Variants in ZSWIM5 observed in about 807,000 individuals in gnomAD.
ZSWIM5 encodes zinc finger SWIM-type containing 5.
In ZSWIM5, 55 loss-of-function variants were observed where a neutral mutation model predicts 119.6. The observed-to-expected ratio is 0.46, with a 90% CI of 0.37 to 0.58. The LOEUF is 0.58. ZSWIM5 is among the 20% of genes least tolerant of loss of function. The pLI is 0.00. For missense variants in ZSWIM5, 1,193 were observed against 1,512.8 expected, an observed-to-expected ratio of 0.79 and a Z score of 3.51; for synonymous variants, 537 against 606.9, an observed-to-expected ratio of 0.88 and a Z score of 1.69.
At chr1:45,082,956 A>G (rs1486127307) in intron 2 of ZSWIM5, among the ~76,000 whole-genome samples, 2 of 152,172 alleles carry the variant, frequency 1.3e-5, no homozygotes, top group African/African-American at 2.4e-5. Flanking sequence ...GGGGGAAAAG[A>G]TAGTGGGAAT....
At chr1:45,161,158 G>A (rs1645861969) in intron 1 of ZSWIM5, among the ~76,000 whole-genome samples, 1 of 151,896 alleles carries the variant, frequency 6.6e-6, no homozygotes, top group Non-Finnish European at 1.5e-5. Flanking sequence ...TTTGTCTGTA[G>A]GTGGACACTT....
intron 11 of ZSWIM5, among the ~76,000 whole-genome samples, chr1:45,029,087 A>T (rs963795254): frequency 6.6e-6 from 1 of 152,138 alleles, no homozygotes; most frequent in Non-Finnish European, 1.5e-5. Context: ...CTACAAAGAC[A>T]CTCTCCTACA....
intron 1 of ZSWIM5, among the ~76,000 whole-genome samples, chr1:45,106,792 A>C (rs1337066289): frequency 6.6e-6 from 1 of 152,154 alleles, no homozygotes. Flanking sequence ...ATGTGGGGAA[A>C]AGAAAGAGAG....
At chr1:45,068,436 C>T (rs1325841287) in intron 2 of ZSWIM5, among the ~76,000 whole-genome samples, 1 of 150,804 alleles carries the variant, frequency 6.6e-6, no homozygotes, top group Admixed American at 6.6e-5. Flanking sequence ...TTTTAATGTA[C>T]GGTGAGCTGA....
At chr1:45,092,547 C>CG (rs796453944) in intron 1 of ZSWIM5, among the ~76,000 whole-genome samples, 2 of 110,950 alleles carry the variant, frequency 1.8e-5, no homozygotes, top group African/African-American at 3.4e-5. Context: ...CACCCCCCCC[C>CG]CCCCGCCAGC....
At chr1:45,024,059 T>C (rs376788574) in intron 11 of ZSWIM5, among the ~76,000 whole-genome samples, 2 of 152,328 alleles carry the variant, frequency 1.3e-5, no homozygotes, top group East Asian at 3.9e-4. Flanking sequence ...ATTGGGTTGT[T>C]TTCTTATTGT....
chr1:45,205,622 T>C (rs890607286), intron 1 of ZSWIM5, 134 bp downstream of exon 1: 48 of 975,258 alleles, frequency 4.9e-5, no homozygotes, highest in Middle Eastern at 5.1e-4. Flanking sequence ...AAAGTTTTTG[T>C]GACTTGTTCG....
chr1:45,137,139 G>A (rs547903240), intron 1 of ZSWIM5, among the ~76,000 whole-genome samples: 1 of 152,134 alleles, frequency 6.6e-6, no homozygotes, highest in African/African-American at 2.4e-5. Flanking sequence ...GAGGGCAAAG[G>A]TGCAATCATA....
chr1:45,087,611 C>CAATAT (rs1420119037), intron 2 of ZSWIM5, among the ~76,000 whole-genome samples: 2 of 152,276 alleles, frequency 1.3e-5, no homozygotes, highest in East Asian at 3.9e-4. Flanking sequence ...CGACAAAGTC[C>CAATAT]ATAAACTAGA....
intron 1 of ZSWIM5, among the ~76,000 whole-genome samples, chr1:45,153,779 T>C (rs1236255232): frequency 6.8e-6 from 1 of 147,780 alleles, no homozygotes; most frequent in Non-Finnish European, 1.5e-5. Flanking sequence ...AAAAGGTATC[T>C]AAATTGGTAA....
Position 45,038,996 on chromosome 1 carries a change from G to A in ZSWIM5, c.1834C>T (p.Leu612=), listed in dbSNP as rs1645002607. ...CAGGCCTCAGTCAAAGTGAGAAACAGGCAGTCGATGGGATCCAGGGGGTGG... is the reference window on the plus strand; with the variant it reads ...CAGGCCTCAGTCAAAGTGAGAAACAAGCAGTCGATGGGATCCAGGGGGTGG... ...VGHPLDPIDC[L]FLTLTEACRL... Residue 612 remains leucine, a synonymous_variant, in exon 8 of 14, where the codon CTG becomes TTG. Transcript: ENST00000359600. 9 of 1,614,056 alleles carry A rather than the reference G, an allele frequency of 5.6e-6. No individual in the cohort carries two copies. The highest frequency in any genetic ancestry group is 7.6e-6 in the Non-Finnish European group (9 of 1,180,056).
At chr1:45,087,845 A>T (rs1645340274) in intron 2 of ZSWIM5, 36 bp downstream of exon 2, 2 of 1,502,438 alleles carry the variant, frequency 1.3e-6, no homozygotes, top group African/African-American at 2.8e-5. Context: ...GTGATGAAAA[A>T]GACCTTTTTT....
rs1023294265 is a variant in ZSWIM5 at position 45,021,237 on chromosome 1, G to A, written c.2450-449C>T. ...TTTTTAGTAGAGATGGGGTTTCACC[G>A]TGTTAGCCAGGATGGTCTCGATCTC... On this transcript the variant is annotated intron_variant, in intron 11 of 13. Coordinates refer to ENST00000359600, the MANE Select transcript of ZSWIM5 (RefSeq NM_020883.2). Among the ~76,000 whole-genome samples, 6 of 152,110 alleles carry A rather than the reference G, an allele frequency of 3.9e-5. No homozygotes were observed. The East Asian group carries it at 7.7e-4, about 20-fold the overall frequency.
intron 1 of ZSWIM5, among the ~76,000 whole-genome samples, chr1:45,196,533 G>A (rs1357754024): frequency 6.6e-6 from 1 of 151,654 alleles, no homozygotes; most frequent in Non-Finnish European, 1.5e-5. Flanking sequence ...TGGGACTACA[G>A]GTGCCTGCCA....
intron 5 of ZSWIM5, among the ~76,000 whole-genome samples, chr1:45,047,233 G>C (rs1645061784): frequency 6.6e-6 from 1 of 152,112 alleles, no homozygotes; most frequent in East Asian, 1.9e-4. Context: ...GATAGGTCAA[G>C]TATCAGTTGA....
intron 1 of ZSWIM5, among the ~76,000 whole-genome samples, chr1:45,184,763 T>A (rs1323235271): frequency 6.6e-6 from 1 of 151,980 alleles, no homozygotes; most frequent in Non-Finnish European, 1.5e-5. Context: ...TACAAACAAA[T>A]GGAAGAACAT....
chr1:45,172,932 G>A (rs116231111), intron 1 of ZSWIM5, among the ~76,000 whole-genome samples: 1,569 of 152,144 alleles, frequency 0.01, 14 homozygotes, highest in Non-Finnish European at 0.016. Flanking sequence ...CGGAAGCCAA[G>A]GTGGGAAGAT....
Position 45,060,180 on chromosome 1 carries a change from C to T in ZSWIM5, c.1020G>A (p.Gln340=), listed in dbSNP as rs1220074105. 6.2e-7 allele frequency: 1 copy of T among 1,614,180 alleles called. No homozygotes were observed. Among genetic ancestry groups the T allele is most frequent in the East Asian group, 2.2e-5 (1 of 44,886 alleles). The change falls in exon 3 of 14, where the codon CAG becomes CAA. Residue 340 remains glutamine, a synonymous_variant. Coordinates refer to ENST00000359600, the MANE Select transcript of ZSWIM5 (RefSeq NM_020883.2). ...GAAAAAGCTTCACTTGTTCTTTCAC[C>T]TGTTCTTCATCCAAATGCCAACAGT... is the stretch of plus-strand genomic sequence containing the variant. The part of the protein sequence containing the change: ...DENCWHLDEE[Q]VKEQVKLFLS...
In ZSWIM5 at chr1:45,174,570, T is replaced by TAA. The variant is rs36017471; in HGVS notation, c.595+31184_595+31185dup. Among the ~76,000 whole-genome samples the TAA allele has an allele frequency of 6.5e-3, 757 of 116,370 alleles. 8 individuals are homozygous for TAA. The highest frequency in any genetic ancestry group is 0.02 in the African/African-American group (654 of 32,444). The allele number at this position is 116,370 out of a possible 152,430, so 76.3% of individuals were successfully genotyped here. A position where few individuals can be genotyped will look rare whatever the true frequency, so the allele number is the denominator to read the frequency against. ...CAACATGGTGAAACCCCAACTCTAC[T>TAA]AAAAAAAAAAAAAAAAAAATTAGCT... is the stretch of plus-strand genomic sequence containing the variant. On this transcript the variant is annotated intron_variant, in intron 1 of 13. Coordinates refer to ENST00000359600, the MANE Select transcript of ZSWIM5 (RefSeq NM_020883.2).
Sources: allele counts gnomAD v4.1 joint callset (sites outside exome capture counted in the v4.1 genomes callset), GRCh38; gene constraint gnomAD v4.1.1; transcripts MANE v1.5; gene names NCBI Gene and HGNC (gene_info 2026-07-23, HGNC 2026-07-21).